MLLT11: variants seen among roughly 807,000 people sequenced by gnomAD.
MLLT11 encodes the protein MLLT11 transcription factor 7 cofactor, also known as protein AF1q.
A neutral mutation model predicts 5.3 loss-of-function variants in MLLT11; 1 was observed. That is an observed-to-expected ratio of 0.19 (90% CI 0.07 to 0.89). MLLT11 has a LOEUF of 0.89. MLLT11 is among the 40% of genes least tolerant of loss of function. The pLI is 0.67. For synonymous variants in MLLT11, 38 were observed against 41.7 expected, an observed-to-expected ratio of 0.91 and a Z score of 0.34; for missense variants, 87 against 107.3, an observed-to-expected ratio of 0.81 and a Z score of 0.83.
rs1198623690 is a variant in MLLT11 at position 151,069,416 on chromosome 1, G to A, written c.*1919G>A. ...CCAGTCTAACGAAGAATGGGGCCAG[G>A]AAGGATAAGTAGTGCGTCCTTTTCT... On this transcript the variant is annotated 3_prime_UTR_variant, in exon 2 of 2. Coordinates refer to ENST00000368921, the MANE Select transcript of MLLT11 (RefSeq NM_006818.4). 6.6e-6 allele frequency among the ~76,000 whole-genome samples: 1 copy of A among 152,204 alleles called. No individual in the cohort carries two copies. Among genetic ancestry groups the A allele is most frequent in the African/African-American group, 2.4e-5 (1 of 41,446 alleles).
rs1029658171 is a variant in MLLT11, at chr1:151,068,797, C to T, written c.*1300C>T. 3.2e-4 allele frequency among the ~76,000 whole-genome samples: 49 copies of T among 152,182 alleles called. 1 individual carries two copies. Among genetic ancestry groups the T allele is most frequent in the African/African-American group, 1.1e-3 (47 of 41,454 alleles). On this transcript the variant is annotated 3_prime_UTR_variant, in exon 2 of 2. Transcript: ENST00000368921. ...ACGGGGTTTCACCATGTTGGCCAGG[C>T]TGGTCTCTAACTCCTGACCTCAGGT...
At chr1:151,060,900 C>T (rs1676395831) in intron 1 of MLLT11, among the ~76,000 whole-genome samples, 1 of 152,166 alleles carries the variant, frequency 6.6e-6, no homozygotes. Context: ...TACTGTATCT[C>T]TCTGTCCTCT....
At chr1:151,064,801 G>C (rs1676454066) in intron 1 of MLLT11, among the ~76,000 whole-genome samples, 2 of 138,268 alleles carry the variant, frequency 1.4e-5, no homozygotes. Flanking sequence ...GGCTCCGAGA[G>C]AGTGTATCTT....
chr1:151,064,544 G>A (rs1676450081), intron 1 of MLLT11, among the ~76,000 whole-genome samples: 1 of 152,206 alleles, frequency 6.6e-6, no homozygotes, highest in Non-Finnish European at 1.5e-5. Context: ...TCCTAGGTAT[G>A]GGGACAGATT....
chr1:151,062,810 A>G (rs1169014544), intron 1 of MLLT11, among the ~76,000 whole-genome samples: 5 of 152,334 alleles, frequency 3.3e-5, no homozygotes, highest in South Asian at 2.1e-4. Flanking sequence ...CCACAAGTCC[A>G]TAACAGTATT....
intron 1 of MLLT11, among the ~76,000 whole-genome samples, chr1:151,062,337 T>C (rs1382494954): frequency 6.6e-6 from 1 of 151,806 alleles, no homozygotes; most frequent in Non-Finnish European, 1.5e-5. Context: ...GTTTTAAAAT[T>C]CTATGATTTT....
At position 151,068,986 on chromosome 1, in the gene MLLT11, G is replaced by T. The variant is rs1242477677; in HGVS notation, c.*1489G>T. The stretch of plus-strand genomic sequence containing the variant: ...CTTCGCATTGAACAGATAATGAAAG[G>T]GCAAAATCAACTTAAAATTAGAAAA... On this transcript the variant is annotated 3_prime_UTR_variant, in exon 2 of 2. Transcript: ENST00000368921. 6.6e-6 allele frequency among the ~76,000 whole-genome samples: 1 copy of T among 152,122 alleles called. No homozygotes were observed. The highest frequency in any genetic ancestry group is 1.5e-5 in the Non-Finnish European group (1 of 68,022).
intron 1 of MLLT11, among the ~76,000 whole-genome samples, chr1:151,066,167 T>C (rs1392009440): frequency 2.0e-5 from 3 of 152,050 alleles, no homozygotes; most frequent in African/African-American, 7.2e-5. Flanking sequence ...GGAAAGTCTT[T>C]TTTTTAAGAC....
chr1:151,067,101 A>G (rs950225138), intron 1 of MLLT11, 118 bp from the exon 2 acceptor site: 9 of 178,758 alleles, frequency 5.0e-5, no homozygotes, highest in Admixed American at 7.0e-5. Context: ...TCTTTAATAG[A>G]AAAAAAAAAA....
intron 1 of MLLT11, among the ~76,000 whole-genome samples, chr1:151,061,053 G>A (rs1206058165): frequency 1.3e-5 from 2 of 152,088 alleles, no homozygotes; most frequent in Non-Finnish European, 2.9e-5. Context: ...TCGAATCTTT[G>A]CTCCAAAGAA....
intron 1 of MLLT11, among the ~76,000 whole-genome samples, chr1:151,065,854 T>C (rs930061862): frequency 1.3e-5 from 2 of 152,194 alleles, no homozygotes; most frequent in African/African-American, 4.8e-5. Context: ...TGTCTTTTTG[T>C]TTTTTGAGAC....
intron 1 of MLLT11, among the ~76,000 whole-genome samples, chr1:151,062,006 C>T (rs1036759157): frequency 1.1e-4 from 17 of 151,530 alleles, no homozygotes; most frequent in African/African-American, 4.1e-4. Flanking sequence ...GTTTTTTATA[C>T]ATACTCTGGT....
rs151134998 is a variant in MLLT11 at position 151,066,652 on chromosome 1, C to T, written c.-6-567C>T. Among the ~76,000 whole-genome samples the T allele has an allele frequency of 3.5e-3, 537 of 152,022 alleles. 2 individuals carry two copies. Among genetic ancestry groups the T allele is most frequent in the South Asian group, 8.3e-3 (40 of 4,804 alleles). ...AAAATAGTAGAAATTCGGCCGGGCG[C>T]GGTGGCTCACACCTGTAATCCCAGC... is the stretch of plus-strand genomic sequence containing the variant. On this transcript the variant is annotated intron_variant, in intron 1 of 1. Coordinates refer to ENST00000368921, the MANE Select transcript of MLLT11 (RefSeq NM_006818.4).
Position 151,067,765 on chromosome 1 carries a change from GA to G in MLLT11, c.*271del. On this transcript the variant is annotated 3_prime_UTR_variant, in exon 2 of 2. Transcript: ENST00000368921. ...CTTTCCCCCCCAAATATTAACTCCA[GA>G]AACTAGGCCTGACTGGGGACACCTG... The G allele has an allele frequency of 2.0e-6, 1 of 512,730 alleles. No individual in the cohort carries two copies. The highest frequency in any genetic ancestry group is 3.6e-6 in the Non-Finnish European group (1 of 277,598). 31.8% of individuals were successfully genotyped at this position (512,730 alleles called of 1,614,324 possible).
At chr1:151,063,918 G>A (rs1339712977) in intron 1 of MLLT11, among the ~76,000 whole-genome samples, 1 of 152,126 alleles carries the variant, frequency 6.6e-6, no homozygotes, top group African/African-American at 2.4e-5. Context: ...AAATCCAAAT[G>A]GATTTCCAAT....
At chr1:151,063,487 G>A (rs587676522) in intron 1 of MLLT11, among the ~76,000 whole-genome samples, 9 of 152,152 alleles carry the variant, frequency 5.9e-5, no homozygotes, top group East Asian at 5.8e-4. Context: ...GTGCAGTGGC[G>A]CTATCTCAGC....
At chr1:151,065,593 T>C (rs770676601) in intron 1 of MLLT11, among the ~76,000 whole-genome samples, 4 of 151,686 alleles carry the variant, frequency 2.6e-5, no homozygotes, top group Admixed American at 1.3e-4. Flanking sequence ...GGGGAGATGC[T>C]GGAGGAAATA....
chr1:151,062,618 C>T (rs1406280031), intron 1 of MLLT11, among the ~76,000 whole-genome samples: 2 of 152,060 alleles, frequency 1.3e-5, no homozygotes, highest in Non-Finnish European at 2.9e-5. Context: ...GCCTCGGCCT[C>T]CCAAAGTGCT....
intron 1 of MLLT11, among the ~76,000 whole-genome samples, chr1:151,063,490 A>G (rs1382604824): frequency 6.6e-6 from 1 of 152,132 alleles, no homozygotes; most frequent in Non-Finnish European, 1.5e-5. Flanking sequence ...CAGTGGCGCT[A>G]TCTCAGCTCA....
Sources: gnomAD v4.1 joint callset for allele counts (sites outside exome capture counted in the v4.1 genomes callset) on GRCh38, gnomAD v4.1.1 for gene constraint, MANE v1.5 for transcripts, NCBI Gene and HGNC (gene_info 2026-07-23, HGNC 2026-07-21) for gene names.